ZNF90: variants seen among roughly 807,000 people sequenced by gnomAD.
ZNF90 encodes the protein zinc finger protein HTF9.
A neutral mutation model predicts 12.0 loss-of-function variants in ZNF90; 11 were observed. The observed-to-expected ratio is 0.92, with a 90% CI of 0.58 to 1.52. ZNF90 has a LOEUF of 1.52. Ranked by LOEUF, ZNF90 falls within the 40% of genes most tolerant of loss-of-function variation. The pLI is 0.00. For synonymous variants in ZNF90, 232 were observed against 240.1 expected (o/e 0.97, Z 0.31); for missense variants, 765 against 711.5 (o/e 1.08, Z -0.86).
At position 20,118,781 on chromosome 19, in the gene ZNF90, C is replaced by T. The variant is rs2089168302; in HGVS notation, c.1227C>T (p.Ser409=). 6 of 1,606,986 alleles carry T rather than the reference C, an allele frequency of 3.7e-6. No homozygotes were observed. Among genetic ancestry groups the T allele is most frequent in the South Asian group, 1.1e-5 (1 of 90,294 alleles). The change falls in exon 4 of 4, where the codon TCC becomes TCT. Residue 409 remains serine (S), a synonymous_variant. Coordinates refer to ENST00000418063, the MANE Select transcript of ZNF90 (RefSeq NM_007138.2). The part of the protein sequence containing the change: ...CEECGKAFKR[S]STLTIHKISH... Reference sequence around the variant, plus strand: ...AATGTGGCAAAGCCTTCAAGCGCTCCTCAACACTTACTATACATAAGATAA... The same window carrying T: ...AATGTGGCAAAGCCTTCAAGCGCTCTTCAACACTTACTATACATAAGATAA...
chr19:20,085,864 CTT>C (rs2088855357), intron 1 of ZNF90, among the ~76,000 whole-genome samples: 2 of 151,990 alleles, frequency 1.3e-5, no homozygotes, highest in African/African-American at 4.8e-5. Flanking sequence ...AGATTTATTA[CTT>C]TGTTTTTGCT....
chr19:20,092,795 G>A (rs1300289951), intron 1 of ZNF90, among the ~76,000 whole-genome samples: 1 of 152,176 alleles, frequency 6.6e-6, no homozygotes, highest in Admixed American at 6.5e-5. Context: ...AGCTTTGGAG[G>A]GGGATACCCG....
At chr19:20,104,510 G>T (rs1207307621) in intron 2 of ZNF90, 145 bp downstream of exon 2, 4 of 1,025,024 alleles carry the variant, frequency 3.9e-6, no homozygotes, top group Admixed American at 3.4e-5. Context: ...ATTTCTTTTA[G>T]AAGTGAATTT....
intron 1 of ZNF90, among the ~76,000 whole-genome samples, chr19:20,104,028 A>T (rs1555704120): frequency 1.1e-4 from 16 of 152,190 alleles, no homozygotes. Context: ...ATCATATATG[A>T]ACTGATGTTG....
In ZNF90 at chr19:20,102,696, T is replaced by C. The variant is rs981594470; in HGVS notation, c.4-1543T>C. Among the ~76,000 whole-genome samples the C allele has an allele frequency of 3.9e-5, 6 of 152,218 alleles. No homozygotes were observed. In the East Asian group the frequency reaches 1.2e-3, roughly 29 times the overall value. ...CATGAAAAGATATGGATACTCAAGA[T>C]TTCTACTGGGGAAAACTGTGGTCCT... On this transcript the variant is annotated intron_variant, in intron 1 of 3. Transcript: ENST00000418063.
chr19:20,096,692 TG>T (rs1269156605), intron 1 of ZNF90, among the ~76,000 whole-genome samples: 1 of 152,144 alleles, frequency 6.6e-6, no homozygotes, highest in Non-Finnish European at 1.5e-5. Flanking sequence ...TCACTTCTTT[TG>T]TGATTCTTCA....
At chr19:20,105,422 G>T in intron 3 of ZNF90, 106 bp downstream of exon 3, 1 of 885,150 alleles carries the variant, frequency 1.1e-6, no homozygotes, top group South Asian at 1.5e-5. Flanking sequence ...GTGTTCCAAA[G>T]AGAATAGTTC....
chr19:20,094,399 G>T (rs2088925963), intron 1 of ZNF90, among the ~76,000 whole-genome samples: 2 of 152,208 alleles, frequency 1.3e-5, no homozygotes, highest in Admixed American at 6.5e-5. Context: ...CTGGGTCTAG[G>T]GCGGTAAAGC....
intron 3 of ZNF90, among the ~76,000 whole-genome samples, chr19:20,117,344 C>G (rs1346358555): frequency 6.6e-6 from 1 of 151,968 alleles, no homozygotes; most frequent in African/African-American, 2.4e-5. Context: ...GTGGAAATTT[C>G]TTTTTCTTTG....
intron 1 of ZNF90, 107 bp from the exon 2 acceptor site, chr19:20,104,132 A>G: frequency 1.3e-6 from 2 of 1,504,576 alleles, no homozygotes; most frequent in Non-Finnish European, 9.0e-7. Flanking sequence ...GAGTCTTGTA[A>G]GTCAGAACCA....
intron 3 of ZNF90, among the ~76,000 whole-genome samples, chr19:20,109,012 C>T (rs782819462): frequency 1.3e-5 from 2 of 151,862 alleles, no homozygotes; most frequent in African/African-American, 4.8e-5. Flanking sequence ...CTTGAGCCAC[C>T]GTGCCCGGCT....
intron 1 of ZNF90, among the ~76,000 whole-genome samples, chr19:20,089,964 G>A (rs1037246385): frequency 6.6e-6 from 1 of 152,116 alleles, no homozygotes; most frequent in Non-Finnish European, 1.5e-5. Context: ...CATAAGAATG[G>A]GAATGAGAAT....
rs1011085521 is a variant in ZNF90, at chr19:20,085,301, C to T, written c.3+7166C>T. On this transcript the variant is annotated intron_variant, in intron 1 of 3. Transcript: ENST00000418063. ...TTTAGACGGAGTCTCGCTCTTTGGC[C>T]GAGACTGGAGTGCAGTGGCCCGATC... Among the ~76,000 whole-genome samples the T allele has an allele frequency of 4.7e-3, 453 of 95,788 alleles. 3 individuals are homozygous for T. Among genetic ancestry groups the T allele is most frequent in the African/African-American group, 0.024 (431 of 18,168 alleles). 62.8% of individuals were successfully genotyped at this position (95,788 alleles called of 152,430 possible).
Position 20,086,868 on chromosome 19 carries a change from T to G in ZNF90, c.3+8733T>G, listed in dbSNP as rs182369231. The G allele has an allele frequency of 2.0e-5, 3 of 152,222 alleles. No homozygotes were observed. The East Asian group carries it at 5.8e-4, about 29-fold the overall frequency. The allele number at this position is 152,222 out of a possible 1,614,324, so 9.4% of individuals were successfully genotyped here. A position where few individuals can be genotyped will look rare whatever the true frequency, so the allele number is the denominator to read the frequency against. ...GTAAACACAATTTTAATATCTTTTA[T>G]TTCACTAAATTGGTATGCTGCTATT... On this transcript the variant is annotated intron_variant, in intron 1 of 3. Coordinates refer to ENST00000418063, the MANE Select transcript of ZNF90 (RefSeq NM_007138.2).
chr19:20,104,957 G>C (rs2089020443), intron 2 of ZNF90, among the ~76,000 whole-genome samples: 2 of 152,016 alleles, frequency 1.3e-5, no homozygotes, highest in Non-Finnish European at 2.9e-5. Context: ...TTGCACCATT[G>C]CACACCAGCC....
At chr19:20,098,965 A>T (rs78656270) in intron 1 of ZNF90, among the ~76,000 whole-genome samples, 3,558 of 152,314 alleles carry the variant, frequency 0.023, 63 homozygotes, top group Non-Finnish European at 0.039. Flanking sequence ...GGCCATTAAA[A>T]AAAATACATG....
chr19:20,080,022 G>C (rs1365136596), intron 1 of ZNF90: 1 of 308,140 alleles, frequency 3.2e-6, no homozygotes, highest in Non-Finnish European at 6.3e-6. Context: ...TGCAACCTCC[G>C]CCTCCTGGGT....
At chr19:20,095,120 C>T (rs1370290687) in intron 1 of ZNF90, among the ~76,000 whole-genome samples, 2 of 151,814 alleles carry the variant, frequency 1.3e-5, no homozygotes, top group African/African-American at 4.8e-5. Flanking sequence ...CTCAGCGATG[C>T]TTGGGGTTGG....
chr19:20,093,290 T>C (rs1239667620), intron 1 of ZNF90, among the ~76,000 whole-genome samples: 10 of 152,178 alleles, frequency 6.6e-5, no homozygotes, highest in African/African-American at 2.4e-4. Context: ...GTTTATAGGT[T>C]TTAGAAGCCC....
Sources: allele counts gnomAD v4.1 joint callset (sites outside exome capture counted in the v4.1 genomes callset), GRCh38; gene constraint gnomAD v4.1.1; transcripts MANE v1.5; gene names NCBI Gene and HGNC (gene_info 2026-07-23, HGNC 2026-07-21).